RREB1: variants seen among roughly 807,000 people sequenced by gnomAD.
RREB1 encodes the protein ras-responsive element-binding protein 1.
Under a neutral mutation model 117.8 loss-of-function variants are expected in RREB1, and 27 were observed. The observed-to-expected ratio is 0.23, with a 90% CI of 0.17 to 0.32. The LOEUF (loss-of-function observed/expected upper bound fraction) is 0.32, where lower values mean the gene tolerates loss of function less well. Ranked by LOEUF, RREB1 falls within the 10% of genes least tolerant of loss-of-function variation. The pLI, the probability that RREB1 is intolerant of heterozygous loss-of-function variation, is 1.00. For synonymous variants in RREB1, 1,298 were observed against 1,026.7 expected, an observed-to-expected ratio of 1.26 and a Z score of -5.05; for missense variants, 2,577 against 2,378.2, an observed-to-expected ratio of 1.08 and a Z score of -1.74.
chr6:7,110,108 T>A (rs967644220), intron 1 of RREB1, among the ~76,000 whole-genome samples: 3 of 151,506 alleles, frequency 2.0e-5, no homozygotes, highest in African/African-American at 7.3e-5. Flanking sequence ...TTTTTGATAT[T>A]TTTTTTCCCC....
At position 7,229,419 on chromosome 6, in the gene RREB1, G is replaced by C. The variant is rs374994806; in HGVS notation, c.1320G>C (p.Gln440His). 16 of 1,614,172 alleles carry C rather than the reference G, an allele frequency of 9.9e-6. No homozygotes were observed. In the African/African-American group the frequency reaches 2.0e-4, roughly 20 times the overall value. Residue 440 changes from glutamine (Q) to histidine (H), a missense_variant, in exon 10 of 13, where the codon CAG becomes CAC. Physicochemically the swap from Gln to His is conservative, Grantham distance 24. Transcript: ENST00000379938. This position sits in a 1 kb window ranked among gnomAD's most constrained non-coding sequence, Gnocchi z 4.5. ...ACAGCATAAAGCACCTGTCCCTGCA[G>C]CCCTTCCAGAAGGGCTTCATCATCC... ...TKDSIKHLSLQPFQKGFIIQP... is the reference protein window; with the variant it reads ...TKDSIKHLSLHPFQKGFIIQP...
At chr6:7,232,419 T>C (rs189317658) in intron 10 of RREB1, among the ~76,000 whole-genome samples, 78 of 152,318 alleles carry the variant, frequency 5.1e-4, no homozygotes, top group Non-Finnish European at 9.7e-4. Context: ...TATGACAAAT[T>C]GTGAGGTTGG....
intron 2 of RREB1, among the ~76,000 whole-genome samples, chr6:7,177,025 T>C (rs1424861177): frequency 2.6e-5 from 4 of 151,910 alleles, no homozygotes; most frequent in Non-Finnish European, 5.9e-5. Flanking sequence ...AAGACCAGCC[T>C]GGCCAACATG....
chr6:7,230,031 C>G lies in RREB1; in HGVS notation c.1932C>G (p.Pro644=). ...KTPAMRKVLY[P]CRFCNQVFAF... ...CCGCCATGCGCAAGGTGCTCTACCC[C>G]TGCCGCTTCTGCAACCAGGTGTTTG... is the stretch of plus-strand genomic sequence containing the variant. Residue 644 remains proline, a synonymous_variant, in exon 10 of 13, where the codon CCC becomes CCG. Transcript: ENST00000379938. 1.2e-6 allele frequency: 2 copies of G among 1,611,018 alleles called. No individual in the cohort carries two copies. The highest frequency in any genetic ancestry group is 1.7e-6 in the Non-Finnish European group (2 of 1,177,896).
intron 1 of RREB1, among the ~76,000 whole-genome samples, chr6:7,173,472 G>A (rs1467663522): frequency 1.3e-5 from 2 of 150,648 alleles, no homozygotes; most frequent in African/African-American, 2.4e-5. Context: ...CAGCCTGGGC[G>A]ACAGAATGAG....
chr6:7,139,421 C>T (rs1762470767), intron 1 of RREB1: 1 of 152,152 alleles, frequency 6.6e-6, no homozygotes, highest in Non-Finnish European at 1.5e-5. Context: ...ACTCAATATA[C>T]TTTGAGTGAA....
chr6:7,181,616 C>G, intron 3 of RREB1: 1 of 577,232 alleles, frequency 1.7e-6, no homozygotes, highest in South Asian at 2.3e-5. Flanking sequence ...AGAAACCTGC[C>G]TCTCATGAGT....
intron 11 of RREB1, among the ~76,000 whole-genome samples, chr6:7,245,952 G>A (rs1244856989): frequency 6.6e-6 from 1 of 152,220 alleles, no homozygotes; most frequent in East Asian, 1.9e-4. Context: ...AACTCATCAA[G>A]ACCATGCTTT....
At chr6:7,170,646 GTGTT>G (rs1764162658) in intron 1 of RREB1, among the ~76,000 whole-genome samples, 1 of 152,236 alleles carries the variant, frequency 6.6e-6, no homozygotes, top group African/African-American at 2.4e-5. Flanking sequence ...CCTCTGATGT[GTGTT>G]TGTTCCTGAG....
intron 2 of RREB1, among the ~76,000 whole-genome samples, chr6:7,177,286 A>T (rs1344250937): frequency 1.4e-5 from 2 of 147,946 alleles, no homozygotes; most frequent in Non-Finnish European, 3.0e-5. Context: ...TCTTGATCTG[A>T]TGGGCCTGAA....
At chr6:7,205,551 A>G (rs1393775027) in intron 6 of RREB1, among the ~76,000 whole-genome samples, 1 of 152,212 alleles carries the variant, frequency 6.6e-6, no homozygotes, top group East Asian at 1.9e-4. Flanking sequence ...GCTCAGAGCA[A>G]GCCAGTGCTT....
chr6:7,110,336 G>A (rs1262475726), intron 1 of RREB1, among the ~76,000 whole-genome samples: 1 of 152,152 alleles, frequency 6.6e-6, no homozygotes, highest in Admixed American at 6.5e-5. Flanking sequence ...TTAGATAGAG[G>A]CCAAAGTGTT....
chr6:7,197,299 T>C (rs879310226), intron 6 of RREB1, among the ~76,000 whole-genome samples: 118 of 152,352 alleles, frequency 7.7e-4, no homozygotes, highest in Non-Finnish European at 1.5e-3. Flanking sequence ...TCTAAAGAGT[T>C]GTGGAGCATG....
chr6:7,218,521 T>C (rs1373756700), intron 8 of RREB1: 1 of 152,230 alleles, frequency 6.6e-6, no homozygotes, highest in Non-Finnish European at 1.5e-5. Context: ...TGTCCTTGTT[T>C]TCCATTTCTG....
chr6:7,124,349 A>G (rs1761816982), intron 1 of RREB1, among the ~76,000 whole-genome samples: 1 of 152,102 alleles, frequency 6.6e-6, no homozygotes, highest in Non-Finnish European at 1.5e-5. Flanking sequence ...AAATTATTAT[A>G]TTTAGAGATC....
Position 7,231,525 on chromosome 6 carries a change from C to G in RREB1, c.3426C>G (p.Thr1142=), listed in dbSNP as rs776847931. The change falls in exon 10 of 13, where the codon ACC becomes ACG. Residue 1142 remains threonine (T), a synonymous_variant. Transcript: ENST00000379938. ...PASSPEAASP[T]EQGPAGTSKK... is the part of the protein sequence containing the mutation. Reference sequence around the variant, plus strand: ...GCAGCCCAGAGGCTGCCTCTCCCACCGAGCAGGGCCCAGCGGGCACGTCGA... The same window carrying G: ...GCAGCCCAGAGGCTGCCTCTCCCACGGAGCAGGGCCCAGCGGGCACGTCGA... 6.2e-7 allele frequency: 1 copy of G among 1,608,442 alleles called. No individual in the cohort carries two copies. Among genetic ancestry groups the G allele is most frequent in the South Asian group, 1.1e-5 (1 of 90,830 alleles).
rs150166409 is a variant in RREB1, at chr6:7,230,796, C to T, written c.2697C>T (p.Pro899=). The T allele has an allele frequency of 1.2e-6, 2 of 1,614,002 alleles. No individual in the cohort carries two copies. Among genetic ancestry groups the T allele is most frequent in the East Asian group, 4.5e-5 (2 of 44,890 alleles). ...GCTTTGCGGTGGACTTCAATGAGCCCCTGGACTTCTCGCAGAAGGGCCTGG... is the reference window on the plus strand; with the variant it reads ...GCTTTGCGGTGGACTTCAATGAGCCTCTGGACTTCTCGCAGAAGGGCCTGG... ...ASSFAVDFNE[P]LDFSQKGLAL... is the part of the protein sequence containing the mutation. Residue 899 remains proline, a synonymous_variant, in exon 10 of 13, where the codon CCC becomes CCT. Transcript: ENST00000379938.
chr6:7,226,619 C>T lies in RREB1; in HGVS notation c.860C>T (p.Thr287Met), dbSNP rs772344198. Residue 287 changes from threonine to methionine, a missense_variant, in exon 9 of 13, where the codon ACG becomes ATG. Coordinates refer to ENST00000379938, the MANE Select transcript of RREB1 (RefSeq NM_001003699.4). The stretch of plus-strand genomic sequence containing the variant: ...GCTGGCTTCCACGACTTAGGATTCA[C>T]GGACTTCTCCTGTAGGAAGTTTCCT... Reference protein sequence around the residue: ...IPAGFHDLGFTDFSCRKFPRI... With the variant: ...IPAGFHDLGFMDFSCRKFPRI... The T allele has an allele frequency of 2.3e-5, 37 of 1,614,038 alleles. No homozygotes were observed. The highest frequency in any genetic ancestry group is 5.5e-5 in the South Asian group (5 of 91,082).
chr6:7,187,572 T>G (rs887412213), intron 5 of RREB1, 49 bp downstream of exon 5: 12 of 896,244 alleles, frequency 1.3e-5, no homozygotes, highest in African/African-American at 3.5e-5. Flanking sequence ...TTTATTTTAT[T>G]TTATTTTATT....
Sources: allele counts gnomAD v4.1 joint callset (sites outside exome capture counted in the v4.1 genomes callset), GRCh38; gene constraint gnomAD v4.1.1; non-coding constraint Gnocchi (gnomAD v3.1); transcripts MANE v1.5; gene names NCBI Gene and HGNC (gene_info 2026-07-23, HGNC 2026-07-21).